CTNNA3: variants seen among roughly 807,000 people sequenced by gnomAD.
CTNNA3 encodes catenin alpha 3, also known as catenin alpha-3.
CTNNA3 carries 76 observed loss-of-function variants against 95.7 expected under a neutral mutation model. That is an observed-to-expected ratio of 0.79 (90% CI 0.66 to 0.96). CTNNA3 has a LOEUF of 0.96. Ranked by LOEUF, CTNNA3 falls within the 40% of genes least tolerant of loss-of-function variation. The pLI is 0.00. For missense variants in CTNNA3, 1,191 were observed against 1,089.8 expected (o/e 1.09, Z -1.31); for synonymous variants, 431 against 374.4 (o/e 1.15, Z -1.74).
At chr10:66,383,472 G>A (rs970030290) in intron 11 of CTNNA3, among the ~76,000 whole-genome samples, 5 of 152,200 alleles carry the variant, frequency 3.3e-5, no homozygotes, top group African/African-American at 1.2e-4. Flanking sequence ...ATGTTTGATT[G>A]GTGCACCTGA....
intron 17 of CTNNA3, among the ~76,000 whole-genome samples, chr10:65,939,870 TA>T (rs2077401924): frequency 6.6e-6 from 1 of 152,118 alleles, no homozygotes; most frequent in East Asian, 1.9e-4. Flanking sequence ...TGGGAAAAAG[TA>T]ACCTGAACAC....
At chr10:67,274,408 C>T (rs183752184) in intron 5 of CTNNA3, among the ~76,000 whole-genome samples, 1 of 152,134 alleles carries the variant, frequency 6.6e-6, no homozygotes, top group African/African-American at 2.4e-5. Context: ...AATTACAATT[C>T]TTGATTTCCA....
At chr10:66,754,563 A>G (rs1441971924) in intron 9 of CTNNA3, among the ~76,000 whole-genome samples, 3 of 152,198 alleles carry the variant, frequency 2.0e-5, no homozygotes, top group African/African-American at 4.8e-5. Flanking sequence ...AATACCATCA[A>G]AAAAGGGAAA....
intron 13 of CTNNA3, among the ~76,000 whole-genome samples, chr10:66,141,494 T>C (rs549358086): frequency 6.6e-6 from 1 of 152,254 alleles, no homozygotes; most frequent in South Asian, 2.1e-4. Context: ...TGTTAAACTG[T>C]AAAATCAACA....
At chr10:66,385,845 T>C (rs934313431) in intron 11 of CTNNA3, among the ~76,000 whole-genome samples, 8 of 152,066 alleles carry the variant, frequency 5.3e-5, no homozygotes, top group Non-Finnish European at 1.2e-4. Flanking sequence ...AAAAAACACA[T>C]GATTATCTCA....
chr10:66,299,270 G>A (rs755928994), intron 12 of CTNNA3, among the ~76,000 whole-genome samples: 49 of 152,222 alleles, frequency 3.2e-4, no homozygotes, highest in Non-Finnish European at 6.3e-4. Flanking sequence ...GTGGGTCCTC[G>A]ACCTTGGCAA....
intron 3 of CTNNA3, among the ~76,000 whole-genome samples, chr10:67,567,140 G>GTAACTAACC (rs1200644896): frequency 7.3e-5 from 11 of 151,460 alleles, no homozygotes; most frequent in Admixed American, 6.6e-4. Flanking sequence ...CCTGCATGTT[G>GTAACTAACC]TGCACATGTA....
chr10:67,396,155 C>T (rs1844699162), intron 5 of CTNNA3, among the ~76,000 whole-genome samples: 1 of 151,984 alleles, frequency 6.6e-6, no homozygotes, highest in Admixed American at 6.6e-5. Flanking sequence ...CAAATAACAA[C>T]ATCAACTTGT....
At chr10:66,113,614 G>A (rs1193813011) in intron 13 of CTNNA3, among the ~76,000 whole-genome samples, 1 of 151,964 alleles carries the variant, frequency 6.6e-6, no homozygotes, top group African/African-American at 2.4e-5. Context: ...TGAAAAGATT[G>A]GACTAATTAT....
Position 65,920,373 on chromosome 10 carries a change from G to A in CTNNA3, c.2645C>T (p.Pro882Leu), listed in dbSNP as rs755081926. The change falls in exon 18 of 18, where the codon CCA becomes CTA. Residue 882 changes from proline to leucine, a missense_variant. Coordinates refer to ENST00000433211, the MANE Select transcript of CTNNA3 (RefSeq NM_013266.4). ...TCTAAATTCACTCATGACTTGCAAT[G>A]GATGGATTTTTTTCTTTGCTGAGCC... ...RRGSAKKKIH[P>L]LQVMSEFRGR... The A allele has an allele frequency of 6.2e-7, 1 of 1,613,926 alleles. No homozygotes were observed. The highest frequency in any genetic ancestry group is 8.5e-7 in the Non-Finnish European group (1 of 1,179,998).
At chr10:66,113,289 G>A (rs1024074161) in intron 13 of CTNNA3, among the ~76,000 whole-genome samples, 1 of 151,858 alleles carries the variant, frequency 6.6e-6, no homozygotes, top group Admixed American at 6.5e-5. Context: ...ATGCATAGAA[G>A]TGTGTCAGTG....
chr10:66,865,232 G>A (rs1844126344), intron 7 of CTNNA3, among the ~76,000 whole-genome samples: 1 of 151,730 alleles, frequency 6.6e-6, no homozygotes, highest in Non-Finnish European at 1.5e-5. Flanking sequence ...GTGTGTGTGT[G>A]TGTGTGTGTA....
At chr10:67,492,967 C>T (rs1304669729) in intron 5 of CTNNA3, among the ~76,000 whole-genome samples, 6 of 152,128 alleles carry the variant, frequency 3.9e-5, no homozygotes, top group Non-Finnish European at 8.8e-5. Context: ...AACCTCCCCT[C>T]CTCTACAATT....
chr10:67,227,791 TA>T (rs1306454949), intron 5 of CTNNA3, among the ~76,000 whole-genome samples: 1 of 152,148 alleles, frequency 6.6e-6, no homozygotes, highest in Non-Finnish European at 1.5e-5. Context: ...GACTATATGA[TA>T]GGCCATAAAA....
intron 15 of CTNNA3, among the ~76,000 whole-genome samples, chr10:65,992,127 G>T (rs1343684960): frequency 6.6e-6 from 1 of 151,806 alleles, no homozygotes; most frequent in Non-Finnish European, 1.5e-5. Context: ...TATCTTTTTG[G>T]TGTGCTGTTT....
intron 10 of CTNNA3, among the ~76,000 whole-genome samples, chr10:66,602,861 T>A (rs1251271640): frequency 1.3e-5 from 2 of 152,056 alleles, no homozygotes; most frequent in African/African-American, 4.8e-5. Context: ...ATCCTTTCAA[T>A]AGATACTGAA....
At chr10:66,976,606 C>T (rs1850046715) in intron 7 of CTNNA3, among the ~76,000 whole-genome samples, 1 of 152,134 alleles carries the variant, frequency 6.6e-6, no homozygotes, top group South Asian at 2.1e-4. Context: ...GTCATATTCC[C>T]AAGTTTGGCA....
intron 15 of CTNNA3, among the ~76,000 whole-genome samples, chr10:66,000,456 T>C (rs1312642635): frequency 6.6e-6 from 1 of 152,196 alleles, no homozygotes; most frequent in Non-Finnish European, 1.5e-5. Flanking sequence ...ACAGTGAATA[T>C]CTATGAAATG....
intron 15 of CTNNA3, among the ~76,000 whole-genome samples, chr10:65,997,542 A>T (rs191877910): frequency 6.6e-6 from 1 of 152,282 alleles, no homozygotes. Flanking sequence ...TCACTTAAAC[A>T]TCATGATTTA....
Sources: allele counts gnomAD v4.1 joint callset (sites outside exome capture counted in the v4.1 genomes callset), GRCh38; gene constraint gnomAD v4.1.1; transcripts MANE v1.5; gene names NCBI Gene and HGNC (gene_info 2026-07-23, HGNC 2026-07-21).